Variants in NDUFA6 observed in about 807,000 individuals in gnomAD.
NDUFA6 encodes the protein NADH:ubiquinone oxidoreductase subunit A6, also known as NADH dehydrogenase [ubiquinone] 1 alpha subcomplex subunit 6.
Under a neutral mutation model 12.5 loss-of-function variants are expected in NDUFA6, and 10 were observed. That is an observed-to-expected ratio of 0.80 (90% CI 0.49 to 1.35). The LOEUF is 1.35. NDUFA6 is among the 40% of genes most tolerant of loss of function. The pLI, the probability that NDUFA6 is intolerant of heterozygous loss-of-function variation, is 0.00. For synonymous variants in NDUFA6, 66 were observed against 63.0 expected (o/e 1.05, Z -0.23); for missense variants, 177 against 173.5 (o/e 1.02, Z -0.11).
intron 1 of NDUFA6, among the ~76,000 whole-genome samples, chr22:42,088,159 G>A (rs1928385673): frequency 6.9e-6 from 1 of 145,720 alleles, no homozygotes; most frequent in African/African-American, 2.6e-5. Flanking sequence ...TGTAATCCCA[G>A]CACTTTGGGA....
Position 42,090,732 on chromosome 22 carries a change from C to A in NDUFA6, c.13G>T (p.Gly5Cys), listed in dbSNP as rs200188427. 3.2e-5 allele frequency: 51 copies of A among 1,614,132 alleles called. 1 individual carries two copies. The Middle Eastern group carries it at 1.2e-3, about 37-fold the overall frequency. Reference protein sequence around the residue: MAGSGVRQATSTAST... With the variant: MAGSCVRQATSTAST... The stretch of plus-strand genomic sequence containing the variant: ...GCGGTAGAAGTAGCTTGGCGGACGC[C>A]GCTCCCCGCCATCTTGCCAAAGCAT... Residue 5 changes from glycine (G) to cysteine (C), a missense_variant, in exon 1 of 3, where the codon GGC becomes TGC. Coordinates refer to ENST00000498737, the MANE Select transcript of NDUFA6 (RefSeq NM_002490.6).
intron 1 of NDUFA6, chr22:42,090,154 T>G: frequency 3.7e-6 from 1 of 272,168 alleles, no homozygotes; most frequent in South Asian, 3.7e-5. Flanking sequence ...ACCACTGCAC[T>G]CCAGCCTGAG....
At chr22:42,090,040 G>A (rs1045756925) in intron 1 of NDUFA6, 1 of 167,202 alleles carries the variant, frequency 6.0e-6, no homozygotes, top group Admixed American at 5.6e-5. Context: ...AAAATGGCCG[G>A]CGTGGTGGCG....
At position 42,086,104 on chromosome 22, in the gene NDUFA6, T is replaced by C; in HGVS notation, c.*79A>G. ...GAAAATTGGTTCATCAATGGAATTC[T>C]ATCACAAAGTGACCATTGTATAGTG... On this transcript the variant is annotated 3_prime_UTR_variant, in exon 3 of 3. Coordinates refer to ENST00000498737, the MANE Select transcript of NDUFA6 (RefSeq NM_002490.6). The C allele has an allele frequency of 6.2e-7, 1 of 1,602,528 alleles. No homozygotes were observed. Among genetic ancestry groups the C allele is most frequent in the Non-Finnish European group, 8.5e-7 (1 of 1,170,096 alleles).
At chr22:42,087,916 T>G (rs1928365772) in intron 1 of NDUFA6, among the ~76,000 whole-genome samples, 1 of 146,364 alleles carries the variant, frequency 6.8e-6, no homozygotes, top group African/African-American at 2.5e-5. Context: ...AAGACCAGCC[T>G]GGCCAACATG....
At chr22:42,088,012 G>A (rs1313945887) in intron 1 of NDUFA6, among the ~76,000 whole-genome samples, 1 of 150,714 alleles carries the variant, frequency 6.6e-6, no homozygotes, top group Admixed American at 6.6e-5. Context: ...GGAGACTGAG[G>A]CAGGAGAATC....
rs747867418 is a variant in NDUFA6, at chr22:42,086,337, A to ATCAG, written c.256-27_256-24dup. 38 of 1,614,066 alleles carry ATCAG rather than the reference A, an allele frequency of 2.4e-5. No individual in the cohort carries two copies. The South Asian group carries it at 4.2e-4, about 18-fold the overall frequency. ...TCCCTGAACAGTGAGGAGAGAGGTC[A>ATCAG]TCAGTCAAAGTTGTCAAGTTGAAGG... On this transcript the variant is annotated intron_variant, in intron 2 of 2. Transcript: ENST00000498737.
intron 1 of NDUFA6, among the ~76,000 whole-genome samples, chr22:42,089,351 C>T (rs41277483): frequency 2.8e-4 from 42 of 151,950 alleles, no homozygotes; most frequent in Non-Finnish European, 5.0e-4. Context: ...CACACACACA[C>T]ACACTGCTAC....
intron 1 of NDUFA6, 115 bp from the exon 2 acceptor site, chr22:42,087,290 A>T (rs1345918167): frequency 6.3e-6 from 5 of 797,658 alleles, no homozygotes; most frequent in Non-Finnish European, 8.8e-6. Flanking sequence ...CCAAAAAATT[A>T]GCCTGACCCT....
chr22:42,087,834 G>A (rs889622412), intron 1 of NDUFA6, among the ~76,000 whole-genome samples: 21 of 151,724 alleles, frequency 1.4e-4, no homozygotes, highest in East Asian at 3.9e-4. Context: ...TTAGCTGGGC[G>A]CGGTGGCTCA....
chr22:42,086,916 A>G (rs1172179940), intron 2 of NDUFA6, 144 bp downstream of exon 2: 1 of 707,010 alleles, frequency 1.4e-6, no homozygotes, highest in Non-Finnish European at 2.6e-6. Flanking sequence ...CTCCAAGTTC[A>G]AGTATTTCTC....
intron 1 of NDUFA6, chr22:42,089,686 G>A (rs903187376): frequency 6.6e-6 from 1 of 152,102 alleles, no homozygotes; most frequent in Non-Finnish European, 1.5e-5. Flanking sequence ...AAGCACTCTA[G>A]ATATTTTAAC....
chr22:42,087,263 G>A (rs1438494097), intron 1 of NDUFA6, 88 bp from the exon 2 acceptor site: 10 of 1,028,402 alleles, frequency 9.7e-6, no homozygotes, highest in Non-Finnish European at 1.4e-5. Flanking sequence ...CATACAGGTC[G>A]CCCATTCATT....
chr22:42,086,028 C>G lies in NDUFA6; in HGVS notation c.*155G>C, dbSNP rs1373026282. On this transcript the variant is annotated 3_prime_UTR_variant, in exon 3 of 3. Transcript: ENST00000498737. ...CCACATTTCAAGAAAAGGGAAAGAA[C>G]AGGTGATGTGTATACCAAGGTCCCA... 5 of 894,702 alleles carry G rather than the reference C, an allele frequency of 5.6e-6. No homozygotes were observed. The highest frequency in any genetic ancestry group is 4.1e-5 in the South Asian group (3 of 73,152). 55.4% of individuals were successfully genotyped at this position (894,702 alleles called of 1,614,324 possible). A position where few individuals can be genotyped will look rare whatever the true frequency, so the allele number is the denominator to read the frequency against.
Position 42,086,838 on chromosome 22 carries a change from T to C in NDUFA6, c.255+222A>G, listed in dbSNP as rs549901979. On this transcript the variant is annotated intron_variant, in intron 2 of 2. Coordinates refer to ENST00000498737, the MANE Select transcript of NDUFA6 (RefSeq NM_002490.6). ...ACTTTCCTCCCTATATCTTTTTTTA[T>C]GGTTATAAAATGCAAGTCCCAGTGG... Among the ~76,000 whole-genome samples the C allele has an allele frequency of 6.6e-5, 10 of 152,334 alleles. No homozygotes were observed. The East Asian group carries it at 1.9e-3, about 29-fold the overall frequency.
intron 1 of NDUFA6, among the ~76,000 whole-genome samples, chr22:42,088,268 G>A (rs1381188107): frequency 5.1e-4 from 77 of 150,880 alleles, no homozygotes; most frequent in East Asian, 5.9e-4. Flanking sequence ...TTAGCCGGGC[G>A]CGGTGGCGGG....
At chr22:42,088,409 G>A (rs1163135388) in intron 1 of NDUFA6, among the ~76,000 whole-genome samples, 1 of 149,396 alleles carries the variant, frequency 6.7e-6, no homozygotes, top group South Asian at 2.1e-4. Flanking sequence ...GCGAGACTCC[G>A]TCTCAAAAAA....
At chr22:42,087,966 G>T (rs1928369480) in intron 1 of NDUFA6, among the ~76,000 whole-genome samples, 4 of 150,646 alleles carry the variant, frequency 2.7e-5, no homozygotes, top group African/African-American at 9.8e-5. Context: ...ACATGAGCCG[G>T]GCATGGTGGT....
rs144066165 is a variant in NDUFA6, at chr22:42,090,697, G to A, written c.48C>T (p.Phe16=). 1,431 of 1,614,206 alleles carry A rather than the reference G, an allele frequency of 8.9e-4. No individual in the cohort carries two copies. The highest frequency in any genetic ancestry group is 1.1e-3 in the Non-Finnish European group (1,327 of 1,180,044). The stretch of plus-strand genomic sequence containing the variant: ...TGTCCCGACTGAAAATGGGCTTCAC[G>A]AAGGTGCTGGCGGTAGAAGTAGCTT... ...VRQATSTAST[F]VKPIFSRDMN... The change falls in exon 1 of 3, where the codon TTC becomes TTT. Residue 16 remains phenylalanine (F), a synonymous_variant. Transcript: ENST00000498737.
Sources: gnomAD v4.1 joint callset for allele counts (sites outside exome capture counted in the v4.1 genomes callset) on GRCh38, gnomAD v4.1.1 for gene constraint, MANE v1.5 for transcripts, NCBI Gene and HGNC (gene_info 2026-07-23, HGNC 2026-07-21) for gene names.